The following RRAGB variants were observed in gnomAD, a reference collection of about 807,000 sequenced individuals.
The protein encoded by RRAGB is ras-related GTP-binding protein B.
Under a neutral mutation model 29.3 loss-of-function variants are expected in RRAGB, and 6 were observed. The ratio of observed to expected loss-of-function variants is 0.21; its 90% confidence interval spans 0.11 to 0.40. The LOEUF (loss-of-function observed/expected upper bound fraction) is 0.40, where lower values mean the gene tolerates loss of function less well. Among genes scored for constraint, RRAGB ranks in the 10% least tolerant of loss-of-function variants. RRAGB has a pLI of 1.00. For missense variants in RRAGB, 184 were observed against 272.9 expected (o/e 0.67, Z 2.29); for synonymous variants, 101 against 92.5 (o/e 1.09, Z -0.53).
chrX:55,757,881 C>T (rs931726357), intron 9 of RRAGB, among the ~76,000 whole-genome samples: 25 of 111,559 alleles, frequency 2.2e-4, no homozygotes, highest in African/African-American at 8.1e-4. Context: ...ACTATCACAA[C>T]CATTGAAATA....
chrX:55,731,627 C>G (rs1172622477), intron 5 of RRAGB, 41 bp downstream of exon 5: 12 of 910,596 alleles, frequency 1.3e-5, no homozygotes, highest in Non-Finnish European at 1.8e-5. Flanking sequence ...GCTCGACATG[C>G]TTTGCAAACT....
At chrX:55,723,534 C>T (rs1440498445) in intron 3 of RRAGB, among the ~76,000 whole-genome samples, 2 of 109,047 alleles carry the variant, frequency 1.8e-5, no homozygotes, top group African/African-American at 6.7e-5. Flanking sequence ...TCAGTTTGTC[C>T]TAGCGATCTC....
chrX:55,756,013 A>G, intron 8 of RRAGB, 81 bp downstream of exon 8: 9 of 657,725 alleles, frequency 1.4e-5, no homozygotes, highest in Non-Finnish European at 1.9e-5. Context: ...AACTATAGTT[A>G]ACTGTACTTC....
At chrX:55,752,427 C>T (rs2034549957) in intron 6 of RRAGB, 2 of 674,118 alleles carry the variant, frequency 3.0e-6, no homozygotes, top group Non-Finnish European at 3.5e-6. Context: ...ACATTAACAC[C>T]GACCTGGGAA....
intron 6 of RRAGB, chrX:55,752,286 C>A: frequency 1.3e-6 from 1 of 752,181 alleles, no homozygotes; most frequent in Non-Finnish European, 1.6e-6. Flanking sequence ...CTGATAAGAA[C>A]CAACTGCGGT....
intron 5 of RRAGB, among the ~76,000 whole-genome samples, chrX:55,737,946 G>T (rs2033920972): frequency 8.9e-6 from 1 of 112,313 alleles, no homozygotes. Context: ...TGCCCTTGAG[G>T]AGTCCCTAAA....
At chrX:55,726,371 G>A (rs1262527096) in intron 3 of RRAGB, among the ~76,000 whole-genome samples, 1 of 111,218 alleles carries the variant, frequency 9.0e-6, no homozygotes, top group Non-Finnish European at 1.9e-5. Context: ...ATACAATCGT[G>A]CATATGCGGA....
chrX:55,727,676 C>T (rs777516590), intron 3 of RRAGB, among the ~76,000 whole-genome samples: 2 of 111,992 alleles, frequency 1.8e-5, no homozygotes, highest in South Asian at 7.4e-4. Context: ...AAATAATGCT[C>T]TGCTGCTTGT....
chrX:55,726,300 T>C (rs5960094), intron 3 of RRAGB, among the ~76,000 whole-genome samples: 6,760 of 111,904 alleles, frequency 0.06, 535 homozygotes, highest in African/African-American at 0.21. Flanking sequence ...GCCTGCTTCC[T>C]AGGGACAACC....
chrX:55,726,421 T>C (rs2033479129), intron 3 of RRAGB, among the ~76,000 whole-genome samples: 1 of 111,367 alleles, frequency 9.0e-6, no homozygotes, highest in Non-Finnish European at 1.9e-5. Flanking sequence ...AATAAAAATC[T>C]GCATTTTGGA....
intron 3 of RRAGB, among the ~76,000 whole-genome samples, chrX:55,725,412 T>C (rs2033443229): frequency 8.9e-6 from 1 of 112,214 alleles, no homozygotes; most frequent in South Asian, 3.7e-4. Flanking sequence ...CTGCGTTCTA[T>C]TGCTAAACTT....
chrX:55,735,621 T>A (rs1218920859), intron 5 of RRAGB, among the ~76,000 whole-genome samples: 1 of 112,576 alleles, frequency 8.9e-6, no homozygotes, highest in Admixed American at 9.4e-5. Context: ...TCAATGTTAA[T>A]ATTGACATGT....
At chrX:55,747,926 TGGACTGTA>T (rs1371673373) in intron 5 of RRAGB, among the ~76,000 whole-genome samples, 3 of 109,005 alleles carry the variant, frequency 2.8e-5, no homozygotes, top group African/African-American at 9.8e-5. Context: ...GAGCCGAAGC[TGGACTGTA>T]CTGCTGCCAT....
intron 5 of RRAGB, 172 bp downstream of exon 5, chrX:55,731,758 A>G (rs2033688153): frequency 2.5e-6 from 1 of 399,408 alleles, no homozygotes; most frequent in Non-Finnish European, 4.3e-6. Flanking sequence ...CACATTTTCA[A>G]TAAGGGAAAG....
chrX:55,744,769 C>T (rs1446411894), intron 5 of RRAGB, among the ~76,000 whole-genome samples: 2 of 112,477 alleles, frequency 1.8e-5, no homozygotes, highest in Non-Finnish European at 3.8e-5. Context: ...GCATCCCTGT[C>T]TGCCATTGAC....
At chrX:55,730,531 G>A (rs1018570589) in intron 4 of RRAGB, among the ~76,000 whole-genome samples, 5 of 111,779 alleles carry the variant, frequency 4.5e-5, no homozygotes, top group Non-Finnish European at 7.5e-5. Context: ...TCCTACTACC[G>A]GATGCTACTG....
chrX:55,751,236 GA>G, intron 6 of RRAGB, 40 bp downstream of exon 6: 13 of 739,922 alleles, frequency 1.8e-5, no homozygotes, highest in East Asian at 3.4e-5. Context: ...TTAAGAGCAT[GA>G]AAAAAAACCT....
intron 2 of RRAGB, among the ~76,000 whole-genome samples, chrX:55,719,747 A>C (rs898959986): frequency 8.9e-6 from 1 of 112,077 alleles, no homozygotes; most frequent in Non-Finnish European, 1.9e-5. Context: ...CTCTGTCTGC[A>C]CATTTATTTT....
At chrX:55,739,881 A>T (rs1316961196) in intron 5 of RRAGB, among the ~76,000 whole-genome samples, 1 of 112,413 alleles carries the variant, frequency 8.9e-6, no homozygotes, top group Non-Finnish European at 1.9e-5. Flanking sequence ...AAGATTTCCA[A>T]AGATAGATTA....
Sources: gnomAD v4.1 joint callset for allele counts (sites outside exome capture counted in the v4.1 genomes callset) on GRCh38, gnomAD v4.1.1 for gene constraint, MANE v1.5 for transcripts, NCBI Gene and HGNC (gene_info 2026-07-23, HGNC 2026-07-21) for gene names.